The following FHOD3 variants were observed in gnomAD, a reference collection of about 807,000 sequenced individuals.
FHOD3 encodes the protein FH1/FH2 domain-containing protein 3.
In FHOD3, 90 loss-of-function variants were observed where a neutral mutation model predicts 173.0. The observed-to-expected ratio is 0.52, with a 90% CI of 0.44 to 0.62. The LOEUF (loss-of-function observed/expected upper bound fraction) is 0.62, where lower values mean the gene tolerates loss of function less well. Among genes scored for constraint, FHOD3 ranks in the 20% least tolerant of loss-of-function variants. FHOD3 has a pLI of 0.00. For missense variants in FHOD3, 1,945 were observed against 2,034.7 expected, an observed-to-expected ratio of 0.96 and a Z score of 0.85; for synonymous variants, 828 against 823.0, an observed-to-expected ratio of 1.01 and a Z score of -0.10.
At chr18:36,736,948 G>A (rs142507689) in intron 20 of FHOD3, among the ~76,000 whole-genome samples, 66 of 152,194 alleles carry the variant, frequency 4.3e-4, no homozygotes, top group African/African-American at 1.4e-3. Flanking sequence ...AATTATGATC[G>A]TGCAATTATC....
chr18:36,335,118 C>T (rs2045236757), intron 1 of FHOD3, among the ~76,000 whole-genome samples: 3 of 152,204 alleles, frequency 2.0e-5, no homozygotes, highest in South Asian at 4.1e-4. Context: ...TTTTGGCTTC[C>T]CTGGGCCACA....
chr18:36,540,798 T>C (rs12967616), intron 5 of FHOD3, among the ~76,000 whole-genome samples: 81,046 of 151,964 alleles, frequency 0.53, 21,817 homozygotes, highest in East Asian at 0.63. Flanking sequence ...CCAGGGCCTA[T>C]GTTGTGGGGC....
intron 14 of FHOD3, among the ~76,000 whole-genome samples, chr18:36,679,238 ACTATAT>A (rs1252226495): frequency 3.3e-5 from 5 of 151,956 alleles, no homozygotes; most frequent in African/African-American, 1.2e-4. Flanking sequence ...TTTTTTGGTC[ACTATAT>A]CTATAATTGT....
chr18:36,478,432 TC>T (rs1283894648), intron 3 of FHOD3, among the ~76,000 whole-genome samples: 1 of 152,206 alleles, frequency 6.6e-6, no homozygotes, highest in African/African-American at 2.4e-5. Context: ...ATCATACTCT[TC>T]TAGTTATTTT....
At chr18:36,380,919 G>A (rs578250192) in intron 3 of FHOD3, among the ~76,000 whole-genome samples, 1 of 152,176 alleles carries the variant, frequency 6.6e-6, no homozygotes, top group South Asian at 2.1e-4. Context: ...CCACAGCAGG[G>A]GCTTAGAAAG....
chr18:36,750,124 C>A (rs2042341574), intron 24 of FHOD3, among the ~76,000 whole-genome samples: 1 of 152,054 alleles, frequency 6.6e-6, no homozygotes, highest in Admixed American at 6.5e-5. Flanking sequence ...CCTGTCTCTA[C>A]TAAAAATACA....
At chr18:36,684,429 C>G (rs2038465262) in intron 15 of FHOD3, among the ~76,000 whole-genome samples, 1 of 151,416 alleles carries the variant, frequency 6.6e-6, no homozygotes, top group Admixed American at 6.6e-5. Context: ...TTTAAAGTAG[C>G]TATTATAAAC....
intron 11 of FHOD3, among the ~76,000 whole-genome samples, chr18:36,649,624 C>CT (rs1386823162): frequency 6.6e-6 from 1 of 152,162 alleles, no homozygotes; most frequent in African/African-American, 2.4e-5. Flanking sequence ...TCCTACCTTC[C>CT]TAACCACACT....
At chr18:36,632,261 T>G (rs2034569330) in intron 10 of FHOD3, among the ~76,000 whole-genome samples, 1 of 152,252 alleles carries the variant, frequency 6.6e-6, no homozygotes, top group South Asian at 2.1e-4. Flanking sequence ...TATTGAAAAG[T>G]GAAAAATGCC....
intron 3 of FHOD3, among the ~76,000 whole-genome samples, chr18:36,389,183 A>G (rs561268798): frequency 6.6e-6 from 1 of 152,208 alleles, no homozygotes; most frequent in South Asian, 2.1e-4. Flanking sequence ...CTTCAAAAAA[A>G]AAGAAGAAGA....
intron 3 of FHOD3, among the ~76,000 whole-genome samples, chr18:36,463,520 C>T (rs115626967): frequency 0.046 from 1,747 of 38,258 alleles, 51 homozygotes; most frequent in African/African-American, 0.14. Context: ...TTTTTTGAGA[C>T]AGAATCTTGC....
At chr18:36,666,567 G>T (rs1187706393) in intron 14 of FHOD3, among the ~76,000 whole-genome samples, 1 of 152,026 alleles carries the variant, frequency 6.6e-6, no homozygotes, top group Non-Finnish European at 1.5e-5. Context: ...TATTATTTTT[G>T]ACCTCTAAGT....
chr18:36,349,178 G>A (rs1266536673), intron 1 of FHOD3, among the ~76,000 whole-genome samples: 1 of 152,190 alleles, frequency 6.6e-6, no homozygotes, highest in Non-Finnish European at 1.5e-5. Context: ...CTGTGAGCGG[G>A]GGTGGCAGGA....
chr18:36,390,808 G>A (rs890201701), intron 3 of FHOD3, among the ~76,000 whole-genome samples: 3 of 152,136 alleles, frequency 2.0e-5, no homozygotes, highest in African/African-American at 7.2e-5. Context: ...CTCCCTTGAA[G>A]GGGAAGTAGG....
intron 19 of FHOD3, among the ~76,000 whole-genome samples, chr18:36,718,946 GGA>G: frequency 6.6e-6 from 1 of 152,172 alleles, no homozygotes; most frequent in Non-Finnish European, 1.5e-5. Flanking sequence ...ATTAGGCAAA[GGA>G]GCTTTCAAAG....
In FHOD3 at chr18:36,755,149, T is replaced by C. The variant is rs760406689; in HGVS notation, c.4263T>C (p.His1421=). 1.6e-5 allele frequency: 26 copies of C among 1,610,166 alleles called. No individual in the cohort carries two copies. Among genetic ancestry groups the C allele is most frequent in the Non-Finnish European group, 2.2e-5 (26 of 1,178,328 alleles). ...ACTCCTTTTTACTCTTTATGGGCCATCCACCTTATGCAATTCGGGAAGTGA... is the reference window on the plus strand; with the variant it reads ...ACTCCTTTTTACTCTTTATGGGCCACCCACCTTATGCAATTCGGGAAGTGA... ...RFHSFLLFMG[H]PPYAIREVNI... is the part of the protein sequence containing the mutation. The change falls in exon 25 of 29, where the codon CAT becomes CAC. Residue 1421 remains histidine (H), a synonymous_variant. Coordinates refer to ENST00000590592, the MANE Select transcript of FHOD3 (RefSeq NM_001281740.3).
At position 36,718,161 on chromosome 18, in the gene FHOD3, T is replaced by C. The variant is rs549368904; in HGVS notation, c.2863T>C (p.Ser955Pro). Reference protein sequence around the residue: ...NSGDLGRGSISPDAEPNDKVP... With the variant: ...NSGDLGRGSIPPDAEPNDKVP... ...TGGGGACCTGGGGAGAGGTTCCATCTCCCCTGATGCTGAGCCCAATGACAA... is the reference window on the plus strand; with the variant it reads ...TGGGGACCTGGGGAGAGGTTCCATCCCCCCTGATGCTGAGCCCAATGACAA... The change falls in exon 19 of 29, where the codon TCC becomes CCC. Residue 955 changes from serine to proline, a missense_variant. This residue lies in a region of FHOD3 where 1,099 missense variants were observed against 1,051.2 expected (regional missense o/e 1.05). Coordinates refer to ENST00000590592, the MANE Select transcript of FHOD3 (RefSeq NM_001281740.3). The C allele has an allele frequency of 1.9e-6, 3 of 1,610,548 alleles. No individual in the cohort carries two copies. Among genetic ancestry groups the C allele is most frequent in the African/African-American group, 2.7e-5 (2 of 74,884 alleles).
At chr18:36,753,915 A>C (rs2042516841) in intron 24 of FHOD3, among the ~76,000 whole-genome samples, 1 of 152,160 alleles carries the variant, frequency 6.6e-6, no homozygotes, top group Non-Finnish European at 1.5e-5. Context: ...TTGCGTTGTA[A>C]GATTCCTTTA....
chr18:36,446,561 C>T (rs1383621446), intron 3 of FHOD3, among the ~76,000 whole-genome samples: 19 of 152,124 alleles, frequency 1.2e-4, no homozygotes, highest in Admixed American at 1.2e-3. Context: ...AAAGGCTTTG[C>T]AAGTCAGTAA....
Sources: allele counts gnomAD v4.1 joint callset (sites outside exome capture counted in the v4.1 genomes callset), GRCh38; gene constraint gnomAD v4.1.1; regional missense constraint gnomAD v4.1.1; transcripts MANE v1.5; gene names NCBI Gene and HGNC (gene_info 2026-07-23, HGNC 2026-07-21).